The following C1orf146 variants were observed in gnomAD, a reference collection of about 807,000 sequenced individuals.
The protein encoded by C1orf146 is chromosome 1 open reading frame 146, also known as protein SPO16 homolog.
Under a neutral mutation model 23.0 loss-of-function variants are expected in C1orf146, and 22 were observed. The observed-to-expected ratio is 0.96, with a 90% confidence interval of 0.68 to 1.36. The LOEUF is 1.36. Among genes scored for constraint, C1orf146 ranks in the 40% most tolerant of loss-of-function variants. The probability of loss-of-function intolerance (pLI) is 0.00; values close to 1 mark genes in which losing one functional copy is unlikely to be tolerated. For synonymous variants in C1orf146, 59 were observed against 65.3 expected (o/e 0.90, Z 0.47); for missense variants, 199 against 206.8 (o/e 0.96, Z 0.23).
At chr1:92,234,611 T>A (rs1486156174) in intron 2 of C1orf146, among the ~76,000 whole-genome samples, 1 of 152,280 alleles carries the variant, frequency 6.6e-6, no homozygotes, top group African/African-American at 2.4e-5. Flanking sequence ...GGTATCAGGA[T>A]GATGCTGGCC....
chr1:92,222,200 C>T (rs1325158710), intron 1 of C1orf146, among the ~76,000 whole-genome samples: 1 of 152,160 alleles, frequency 6.6e-6, no homozygotes, highest in Non-Finnish European at 1.5e-5. Flanking sequence ...AAGATCATGC[C>T]ACTGCACTCC....
Position 92,223,071 on chromosome 1 carries a change from T to G in C1orf146, c.-40+5023T>G, listed in dbSNP as rs1327120361. 2.0e-5 allele frequency among the ~76,000 whole-genome samples: 3 copies of G among 152,142 alleles called. No homozygotes were observed. The East Asian group carries it at 5.8e-4, about 29-fold the overall frequency. On this transcript the variant is annotated intron_variant, in intron 1 of 5. Transcript: ENST00000370375. Reference sequence around the variant, plus strand: ...TATATTACAATGTCCATTCACCTGTTGGGGGGCATTTGGGTTGTTTCTAGT... The same window carrying G: ...TATATTACAATGTCCATTCACCTGTGGGGGGGCATTTGGGTTGTTTCTAGT...
chr1:92,241,494 G>C (rs1413133745), intron 2 of C1orf146, among the ~76,000 whole-genome samples: 1 of 151,748 alleles, frequency 6.6e-6, no homozygotes, highest in Non-Finnish European at 1.5e-5. Flanking sequence ...CAGCCTCCAA[G>C]TTGTTTGTTT....
At chr1:92,243,498 C>A (rs1652481177) in intron 3 of C1orf146, among the ~76,000 whole-genome samples, 1 of 152,086 alleles carries the variant, frequency 6.6e-6, no homozygotes, top group Non-Finnish European at 1.5e-5. Context: ...AGGCACATAC[C>A]ACCACACCCA....
Position 92,245,720 on chromosome 1 carries a change from C to A in C1orf146, c.*46C>A, listed in dbSNP as rs1421146155. The A allele has an allele frequency of 8.9e-6, 11 of 1,238,258 alleles. No individual in the cohort carries two copies. Among genetic ancestry groups the A allele is most frequent in the African/African-American group, 3.1e-5 (2 of 64,782 alleles). The allele number at this position is 1,238,258 out of a possible 1,614,324, so 76.7% of individuals were successfully genotyped here. ...CTCGAAGAATGTGAAAATAATTAGA[C>A]CTGTTAAATTATAATATTCAAATAT... On this transcript the variant is annotated 3_prime_UTR_variant, in exon 6 of 6. Coordinates refer to ENST00000370375, the MANE Select transcript of C1orf146 (RefSeq NM_001012425.2).
intron 1 of C1orf146, chr1:92,229,338 C>G (rs1006995459): frequency 3.7e-6 from 2 of 546,320 alleles, no homozygotes; most frequent in Non-Finnish European, 7.4e-6. Flanking sequence ...GGATTCCATG[C>G]CCAGGAAGGA....
chr1:92,234,376 T>C (rs1291030038), intron 2 of C1orf146, among the ~76,000 whole-genome samples: 1 of 152,198 alleles, frequency 6.6e-6, no homozygotes, highest in Non-Finnish European at 1.5e-5. Context: ...AATCATGTGG[T>C]TTTTGTCTTT....
intron 1 of C1orf146, among the ~76,000 whole-genome samples, chr1:92,224,507 G>GT: frequency 6.6e-6 from 1 of 152,042 alleles, no homozygotes; most frequent in Non-Finnish European, 1.5e-5. Context: ...TGTTTTACAT[G>GT]TAGGCCTATG....
intron 2 of C1orf146, among the ~76,000 whole-genome samples, chr1:92,239,210 C>T (rs1168353762): frequency 2.6e-5 from 4 of 152,220 alleles, no homozygotes; most frequent in Non-Finnish European, 4.4e-5. Flanking sequence ...GATAGATTCA[C>T]TACATGGATC....
rs537389373 is a variant in C1orf146 at position 92,242,213 on chromosome 1, G to A, written c.68G>A (p.Ser23Asn). ...TATTTCTGATATTTTTTAAAAAAGA[G>A]TTATGAAGTTGCAACTGCCCTAGAA... ...TTIIISSSLK[S>N]YEVATALENR... is the part of the protein sequence containing the mutation. The change falls in exon 3 of 6, where the codon AGT becomes AAT. Residue 23 changes from serine (S) to asparagine (N), a missense_variant and splice_region_variant. Ser to Asn is a conservative substitution (Grantham distance 46). Transcript: ENST00000370375. 6.4e-7 allele frequency: 1 copy of A among 1,561,586 alleles called. No individual in the cohort carries two copies. The highest frequency in any genetic ancestry group is 1.2e-5 in the South Asian group (1 of 85,612).
At chr1:92,239,295 G>C (rs1652372662) in intron 2 of C1orf146, among the ~76,000 whole-genome samples, 1 of 152,058 alleles carries the variant, frequency 6.6e-6, no homozygotes, top group African/African-American at 2.4e-5. Context: ...TTGTATGTCT[G>C]ATTATTTTTT....
In C1orf146 at chr1:92,245,660, G is replaced by C. The variant is rs775496038; in HGVS notation, c.529G>C (p.Val177Leu). ...LQKIKLNSDS[V>L]NPN ...GAAGATAAAACTGAATAGTGATTCA[G>C]TTAACCCAAATTAGAGTACCAACTT... is the stretch of plus-strand genomic sequence containing the variant. Residue 177 changes from valine (V) to leucine (L), a missense_variant, in exon 6 of 6, where the codon GTT becomes CTT. Coordinates refer to ENST00000370375, the MANE Select transcript of C1orf146 (RefSeq NM_001012425.2). The C allele has an allele frequency of 6.3e-7, 1 of 1,577,770 alleles. No individual in the cohort carries two copies. Among genetic ancestry groups the C allele is most frequent in the Non-Finnish European group, 8.6e-7 (1 of 1,167,768 alleles).
chr1:92,227,691 C>T (rs1412717371), intron 1 of C1orf146, among the ~76,000 whole-genome samples: 1 of 152,008 alleles, frequency 6.6e-6, no homozygotes, highest in South Asian at 2.1e-4. Flanking sequence ...CTATGATATC[C>T]TATGTTGACA....
At chr1:92,244,145 TG>T (rs1570800234) in intron 3 of C1orf146, 71 bp from the exon 4 acceptor site, 1 of 1,067,272 alleles carries the variant, frequency 9.4e-7, no homozygotes, top group East Asian at 2.4e-5. Flanking sequence ...TTATTTTGGT[TG>T]ATTTTGAGTT....
At chr1:92,225,523 T>C (rs1224171798) in intron 1 of C1orf146, among the ~76,000 whole-genome samples, 1 of 152,242 alleles carries the variant, frequency 6.6e-6, no homozygotes, top group East Asian at 1.9e-4. Context: ...TAACATCCAT[T>C]ATGATTTATT....
At chr1:92,240,190 C>T (rs1652397052) in intron 2 of C1orf146, among the ~76,000 whole-genome samples, 1 of 152,206 alleles carries the variant, frequency 6.6e-6, no homozygotes. Flanking sequence ...CCTGTGAGAG[C>T]TGTTCTATTT....
chr1:92,242,198 A>AT lies in C1orf146; in HGVS notation c.67-8dup, dbSNP rs749129786. The AT allele has an allele frequency of 8.0e-6, 12 of 1,495,652 alleles. No individual in the cohort carries two copies. The East Asian group carries it at 2.1e-4, about 26-fold the overall frequency. 92.6% of individuals were successfully genotyped at this position (1,495,652 alleles called of 1,614,324 possible). A position where few individuals can be genotyped will look rare whatever the true frequency, so the allele number is the denominator to read the frequency against. ...CATGCCTTAAATTTGTATTTCTGAT[A>AT]TTTTTTAAAAAAGAGTTATGAAGTT... On this transcript the variant is annotated splice_polypyrimidine_tract_variant and intron_variant, in intron 2 of 5. Transcript: ENST00000370375.
chr1:92,245,287 T>C (rs1652570702), intron 5 of C1orf146, among the ~76,000 whole-genome samples: 1 of 152,218 alleles, frequency 6.6e-6, no homozygotes, highest in Non-Finnish European at 1.5e-5. Flanking sequence ...TAGGTCTTCC[T>C]TGCTTTTATA....
rs769658360 is a variant in C1orf146 at position 92,244,353 on chromosome 1, A to G, written c.297A>G (p.Glu99=). 17 of 1,610,398 alleles carry G rather than the reference A, an allele frequency of 1.1e-5. 1 individual carries two copies. Among genetic ancestry groups the G allele is most frequent in the Middle Eastern group, 1.6e-4 (1 of 6,064 alleles). Residue 99 remains glutamate, a synonymous_variant, in exon 4 of 6, where the codon GAA becomes GAG. Coordinates refer to ENST00000370375, the MANE Select transcript of C1orf146 (RefSeq NM_001012425.2). ...LVLSAALHGP[E]EWKLMFRIQQ... ...TGTCTGCTGCCCTCCATGGGCCTGA[A>G]GAATGGAAACTGATGTTCAGGATTC... is the stretch of plus-strand genomic sequence containing the variant.
Sources: allele counts gnomAD v4.1 joint callset (sites outside exome capture counted in the v4.1 genomes callset), GRCh38; gene constraint gnomAD v4.1.1; transcripts MANE v1.5; gene names NCBI Gene and HGNC (gene_info 2026-07-23, HGNC 2026-07-21).